The following SOX5 variants were observed in gnomAD, a reference collection of about 807,000 sequenced individuals.
The protein encoded by SOX5 is SRY-box transcription factor 5.
SOX5 carries 9 observed loss-of-function variants against 92.0 expected under a neutral mutation model. The ratio of observed to expected loss-of-function variants is 0.10; its 90% CI spans 0.06 to 0.17. The LOEUF is 0.17. SOX5 is among the 10% of genes least tolerant of loss of function. The pLI is 1.00. For missense variants in SOX5, 642 were observed against 944.5 expected (o/e 0.68, Z 4.20); for synonymous variants, 344 against 336.3 (o/e 1.02, Z -0.25).
chr12:24,286,137 C>T (rs1595173904), intron 2 of SOX5, among the ~76,000 whole-genome samples: 1 of 152,046 alleles, frequency 6.6e-6, no homozygotes, highest in East Asian at 1.9e-4. Context: ...CAAGACCTTG[C>T]AATGTTTGAC....
At chr12:23,658,921 C>CA (rs901280199) in intron 7 of SOX5, among the ~76,000 whole-genome samples, 1 of 152,134 alleles carries the variant, frequency 6.6e-6, no homozygotes, top group African/African-American at 2.4e-5. Context: ...AACAAACAAA[C>CA]AAAAAACAGA....
At chr12:23,950,999 ACACACT>A (rs947858098), upstream of SOX5, 45 of 771,570 alleles carry the variant, frequency 5.8e-5, no homozygotes, top group African/African-American at 1.9e-4. Context: ...ACACACACAC[ACACACT>A]CACTCACGCA....
intron 1 of SOX5, among the ~76,000 whole-genome samples, chr12:23,948,610 T>C (rs935609719): frequency 6.6e-6 from 1 of 152,000 alleles, no homozygotes; most frequent in Non-Finnish European, 1.5e-5. Flanking sequence ...CTTTTTTTTT[T>C]TTAATTCACC....
At chr12:23,878,353 A>G (rs1441122372) in intron 2 of SOX5, among the ~76,000 whole-genome samples, 1 of 152,054 alleles carries the variant, frequency 6.6e-6, no homozygotes, top group African/African-American at 2.4e-5. Context: ...TCAACACCTC[A>G]TATTTCTAAC....
Position 23,948,678 on chromosome 12 carries a change from CA to C in SOX5, c.38+885del, listed in dbSNP as rs1569207966. On this transcript the variant is annotated intron_variant, in intron 1 of 14. Coordinates refer to ENST00000451604, the MANE Select transcript of SOX5 (RefSeq NM_006940.6). ...GGCAAACAAAATTCTATTTATAGTT[CA>C]AAAAAATGAACTTATGCTGGGATAA... is the stretch of plus-strand genomic sequence containing the variant. Among the ~76,000 whole-genome samples the C allele has an allele frequency of 3.3e-5, 5 of 150,244 alleles. No individual in the cohort carries two copies. The South Asian group carries it at 1.1e-3, about 32-fold the overall frequency.
chr12:24,370,327 T>A (rs959454817), intron 1 of SOX5, among the ~76,000 whole-genome samples: 4 of 151,292 alleles, frequency 2.6e-5, no homozygotes, highest in Admixed American at 1.3e-4. Flanking sequence ...AGAAAAAAAA[T>A]TTAGCCGGGC....
chr12:23,614,500 T>A (rs1311318530), intron 8 of SOX5, among the ~76,000 whole-genome samples: 1 of 152,250 alleles, frequency 6.6e-6, no homozygotes, highest in African/African-American at 2.4e-5. Flanking sequence ...CAGTAGCCTG[T>A]TATTGTACTG....
chr12:23,733,554 C>T (rs947690276), intron 6 of SOX5, among the ~76,000 whole-genome samples: 8 of 152,030 alleles, frequency 5.3e-5, no homozygotes, highest in Admixed American at 2.0e-4. Context: ...AAGCTATCTA[C>T]GGGTCATTAA....
At chr12:24,152,774 A>G (rs182332330) in intron 4 of SOX5, among the ~76,000 whole-genome samples, 22 of 152,204 alleles carry the variant, frequency 1.4e-4, no homozygotes, top group East Asian at 1.4e-3. Context: ...GTTTTATTTG[A>G]TAAGACTTTG....
At chr12:23,922,514 G>A (rs1439097900) in intron 1 of SOX5, among the ~76,000 whole-genome samples, 1 of 152,146 alleles carries the variant, frequency 6.6e-6, no homozygotes, top group Non-Finnish European at 1.5e-5. Flanking sequence ...GCATTCATGG[G>A]TCACTTGTGT....
chr12:23,727,324 T>G (rs1170352236), intron 6 of SOX5, among the ~76,000 whole-genome samples: 1 of 152,122 alleles, frequency 6.6e-6, no homozygotes, highest in South Asian at 2.1e-4. Context: ...TATATAAATA[T>G]AACCTCTCAT....
At chr12:24,384,800 G>A (rs903714923) in intron 1 of SOX5, among the ~76,000 whole-genome samples, 4 of 152,118 alleles carry the variant, frequency 2.6e-5, no homozygotes, top group Non-Finnish European at 4.4e-5. Flanking sequence ...GAGCTTAAAT[G>A]AAGATTTCAG....
chr12:23,731,636 G>T (rs12318524), intron 6 of SOX5, among the ~76,000 whole-genome samples: 7,822 of 152,116 alleles, frequency 0.051, 574 homozygotes, highest in African/African-American at 0.16. Context: ...TTCCTGTCAT[G>T]TAACATATCC....
At chr12:24,099,878 G>A (rs939633483) in intron 4 of SOX5, among the ~76,000 whole-genome samples, 1 of 152,136 alleles carries the variant, frequency 6.6e-6, no homozygotes, top group African/African-American at 2.4e-5. Context: ...GAGACAAGCT[G>A]TAAATCTTGT....
At chr12:23,604,669 A>C (rs2075014204) in intron 8 of SOX5, 136 bp from the exon 9 acceptor site, 2 of 767,718 alleles carry the variant, frequency 2.6e-6, no homozygotes, top group South Asian at 3.8e-5. Context: ...ATATTTAAAG[A>C]AAGAAGCTGT....
chr12:24,170,574 C>T (rs900555251), intron 4 of SOX5, among the ~76,000 whole-genome samples: 2 of 152,190 alleles, frequency 1.3e-5, no homozygotes, highest in Non-Finnish European at 2.9e-5. Flanking sequence ...CTGCACACCC[C>T]GTCGGCCCAC....
chr12:24,268,048 T>C (rs1489888274), intron 3 of SOX5, among the ~76,000 whole-genome samples: 1 of 152,200 alleles, frequency 6.6e-6, no homozygotes, highest in Non-Finnish European at 1.5e-5. Context: ...TGGCAATACC[T>C]AGTTCCAAGA....
intron 14 of SOX5, among the ~76,000 whole-genome samples, chr12:23,535,901 T>C (rs1411488992): frequency 6.6e-6 from 1 of 152,192 alleles, no homozygotes; most frequent in African/African-American, 2.4e-5. Flanking sequence ...CACGGGAGCA[T>C]TGTAAAACAT....
At chr12:23,973,164 T>TC (rs944827338) in intron 4 of SOX5, among the ~76,000 whole-genome samples, 32 of 147,822 alleles carry the variant, frequency 2.2e-4, no homozygotes, top group African/African-American at 7.9e-4. Flanking sequence ...TTTTTTCTTT[T>TC]TTTTTTTTTT....
Sources: allele counts gnomAD v4.1 joint callset (sites outside exome capture counted in the v4.1 genomes callset), GRCh38; gene constraint gnomAD v4.1.1; transcripts MANE v1.5; gene names NCBI Gene and HGNC (gene_info 2026-07-23, HGNC 2026-07-21).